SRFBP1: variants seen among roughly 807,000 people sequenced by gnomAD.
SRFBP1 encodes the protein serum response factor-binding protein 1.
A neutral mutation model predicts 45.5 loss-of-function variants in SRFBP1; 47 were observed. The observed-to-expected ratio is 1.03, with a 90% confidence interval of 0.82 to 1.32. The LOEUF is 1.32. SRFBP1 is among the 40% of genes most tolerant of loss of function. The pLI, the probability that SRFBP1 is intolerant of heterozygous loss-of-function variation, is 0.00. For synonymous variants in SRFBP1, 203 were observed against 166.3 expected (o/e 1.22, Z -1.70); for missense variants, 621 against 484.6 (o/e 1.28, Z -2.64).
chr5:121,995,303 T>G (rs1364690822), intron 4 of SRFBP1, among the ~76,000 whole-genome samples: 4 of 152,068 alleles, frequency 2.6e-5, no homozygotes, highest in African/African-American at 4.8e-5. Context: ...ACAGAAATTA[T>G]AACAAACTGT....
At chr5:122,009,139 A>C (rs1431396421) in intron 4 of SRFBP1, among the ~76,000 whole-genome samples, 1 of 152,110 alleles carries the variant, frequency 6.6e-6, no homozygotes, top group Non-Finnish European at 1.5e-5. Context: ...CCTAAATTTA[A>C]TTTGCATTTT....
In SRFBP1 at chr5:122,019,941, G is replaced by T. The variant is rs1225187999; in HGVS notation, c.353-147G>T. On this transcript the variant is annotated intron_variant, in intron 5 of 7. Transcript: ENST00000339397. ...TTTTAAGAAGTCGAAAGATTTCTTT[G>T]TGAATTCAGACCGAGTATATGTATT... 5 of 465,016 alleles carry T rather than the reference G, an allele frequency of 1.1e-5. No homozygotes were observed. The East Asian group carries it at 1.7e-4, about 16-fold the overall frequency. 28.8% of individuals were successfully genotyped at this position (465,016 alleles called of 1,614,324 possible).
At chr5:121,994,409 TTACAC>T (rs1211809161) in intron 3 of SRFBP1, among the ~76,000 whole-genome samples, 185 bp from the exon 4 acceptor site, 22 of 152,008 alleles carry the variant, frequency 1.4e-4, no homozygotes, top group Non-Finnish European at 2.5e-4. Flanking sequence ...AATAGGCACA[TTACAC>T]TAATTCACAT....
chr5:122,019,166 ATTTT>A, intron 4 of SRFBP1, 90 bp from the exon 5 acceptor site: 3 of 1,070,530 alleles, frequency 2.8e-6, no homozygotes, highest in Non-Finnish European at 4.2e-6. Flanking sequence ...TCCAACTCTA[ATTTT>A]AAAGACTATG....
rs534483595 is a variant in SRFBP1, at chr5:122,019,649, C to T, written c.352+308C>T. 6.0e-5 allele frequency among the ~76,000 whole-genome samples: 9 copies of T among 150,492 alleles called. No individual in the cohort carries two copies. In the East Asian group the frequency reaches 7.8e-4, roughly 13 times the overall value. On this transcript the variant is annotated intron_variant, in intron 5 of 7. Coordinates refer to ENST00000339397, the MANE Select transcript of SRFBP1 (RefSeq NM_152546.3). ...TGACATAACTCATTAGTTTTGGTTT[C>T]GCCACTTAGGAACATAATTTTATAT...
intron 3 of SRFBP1, among the ~76,000 whole-genome samples, chr5:121,988,022 G>C (rs2112831583): frequency 6.6e-6 from 1 of 152,296 alleles, no homozygotes; most frequent in East Asian, 1.9e-4. Context: ...GACTTAATTT[G>C]ATATTTTGTG....
intron 7 of SRFBP1, among the ~76,000 whole-genome samples, chr5:122,025,466 G>C (rs1753461325): frequency 6.6e-6 from 1 of 151,990 alleles, no homozygotes. Flanking sequence ...TAATCCTTTG[G>C]GTATATACCC....
downstream of SRFBP1, among the ~76,000 whole-genome samples, chr5:122,032,938 TG>T (rs1313698350): frequency 5.3e-5 from 8 of 152,178 alleles, no homozygotes; most frequent in Non-Finnish European, 7.3e-5. Context: ...TTTTTTTATT[TG>T]TTTTTTTGTT....
chr5:121,982,518 C>T (rs183995447), intron 3 of SRFBP1, among the ~76,000 whole-genome samples: 27 of 151,838 alleles, frequency 1.8e-4, no homozygotes, highest in Admixed American at 1.8e-3. Flanking sequence ...TCTATGATTG[C>T]CTTAAAATAT....
chr5:122,042,837 C>T (rs1753793465), intron 2 of SRFBP1, among the ~76,000 whole-genome samples: 1 of 152,010 alleles, frequency 6.6e-6, no homozygotes, highest in African/African-American at 2.4e-5. Context: ...TGGTATTAAC[C>T]TTTAAAGTTA....
At chr5:122,038,976 A>C (rs1753732995) in intron 2 of SRFBP1, among the ~76,000 whole-genome samples, 1 of 152,198 alleles carries the variant, frequency 6.6e-6, no homozygotes, top group Admixed American at 6.5e-5. Context: ...ATTATGAAAA[A>C]AAAAATCTCC....
intron 2 of SRFBP1, among the ~76,000 whole-genome samples, chr5:121,975,088 C>G (rs1470628466): frequency 6.6e-6 from 1 of 151,812 alleles, no homozygotes; most frequent in African/African-American, 2.4e-5. Flanking sequence ...GTCATTAATA[C>G]AATGGCAAGA....
intron 2 of SRFBP1, among the ~76,000 whole-genome samples, chr5:122,048,032 T>G (rs1753896897): frequency 6.6e-6 from 1 of 152,158 alleles, no homozygotes; most frequent in Non-Finnish European, 1.5e-5. Flanking sequence ...TTGAGTACCC[T>G]TTATTTCCTT....
chr5:121,993,094 T>C (rs1231879561), intron 3 of SRFBP1, among the ~76,000 whole-genome samples: 2 of 152,116 alleles, frequency 1.3e-5, no homozygotes, highest in Non-Finnish European at 2.9e-5. Context: ...CAAACATATT[T>C]CTTTAAATAT....
rs79741554 is a variant in SRFBP1, at chr5:122,052,115, C to T, written n.312-23200C>T. On this transcript the variant is annotated intron_variant and non_coding_transcript_variant, in intron 2 of 2. Coordinates refer to the SRFBP1 transcript ENST00000504881. ...GTTGTAGGGTTTCTGCTGAAAGGTC[C>T]GCTGTTAGCTTGATGGGATTCCCTT... Among the ~76,000 whole-genome samples, 800 of 152,240 alleles carry T rather than the reference C, an allele frequency of 5.3e-3. 20 individuals are homozygous for T. The East Asian group carries it at 0.054, about 10-fold the overall frequency.
At chr5:121,969,288 G>A (rs1335213054) in intron 1 of SRFBP1, among the ~76,000 whole-genome samples, 1 of 152,060 alleles carries the variant, frequency 6.6e-6, no homozygotes, top group African/African-American at 2.4e-5. Flanking sequence ...CAGCTGCTTG[G>A]TATGTAGAAA....
chr5:122,045,202 G>T (rs1284204189), intron 2 of SRFBP1, among the ~76,000 whole-genome samples: 2 of 151,986 alleles, frequency 1.3e-5, no homozygotes, highest in Admixed American at 6.6e-5. Context: ...TCTTTATTCT[G>T]TTTTGGTCTA....
intron 4 of SRFBP1, among the ~76,000 whole-genome samples, chr5:122,008,935 T>G (rs1430649220): frequency 1.3e-5 from 2 of 152,192 alleles, no homozygotes; most frequent in African/African-American, 4.8e-5. Context: ...GAGCTCTGGC[T>G]AGGAACCAAG....
downstream of SRFBP1, chr5:122,077,467 G>T (rs1244004648): frequency 6.2e-7 from 1 of 1,614,094 alleles, no homozygotes. This position sits in a 1 kb window ranked among gnomAD's most constrained non-coding sequence, Gnocchi z 4.9. Flanking sequence ...ACTTGTAGGG[G>T]TTGTAAGGGT....
Sources: allele counts gnomAD v4.1 joint callset (sites outside exome capture counted in the v4.1 genomes callset), GRCh38; gene constraint gnomAD v4.1.1; non-coding constraint Gnocchi (gnomAD v3.1); transcripts MANE v1.5; gene names NCBI Gene and HGNC (gene_info 2026-07-23, HGNC 2026-07-21).